PTPRK: variants seen among roughly 807,000 people sequenced by gnomAD.
PTPRK encodes the protein protein tyrosine phosphatase receptor type K, also known as receptor-type tyrosine-protein phosphatase kappa.
PTPRK carries 75 observed loss-of-function variants against 178.0 expected under a neutral mutation model. The observed-to-expected ratio is 0.42, with a 90% confidence interval of 0.35 to 0.51. The LOEUF (loss-of-function observed/expected upper bound fraction) is 0.51, where lower values mean the gene tolerates loss of function less well. Among genes scored for constraint, PTPRK ranks in the 20% least tolerant of loss-of-function variants. The pLI is 0.02. For missense variants in PTPRK, 1,441 were observed against 1,797.8 expected (o/e 0.80, Z 3.59); for synonymous variants, 637 against 620.6 (o/e 1.03, Z -0.39).
rs75731012 is a variant in PTPRK, at chr6:128,487,494, C to T, written c.100+32765G>A. 4.4e-3 allele frequency among the ~76,000 whole-genome samples: 666 copies of T among 151,982 alleles called. 6 individuals carry two copies. The highest frequency in any genetic ancestry group is 0.015 in the African/African-American group (632 of 41,464). ...TTTTCCCCAAGGCAACTCCTCTCCT[C>T]CAAAACAGGCCATAAAACCCAGAAA... On this transcript the variant is annotated intron_variant, in intron 1 of 29. Transcript: ENST00000368226.
In PTPRK at chr6:128,519,721, G is replaced by T. The variant is rs1858714329; in HGVS notation, c.100+538C>A. ...CAAGCCCGGGAGCAACCCAGAGCTGGGGGAGGAGAAAAGGGGACTCCGGGA... is the reference window on the plus strand; with the variant it reads ...CAAGCCCGGGAGCAACCCAGAGCTGTGGGAGGAGAAAAGGGGACTCCGGGA... On this transcript the variant is annotated intron_variant, in intron 1 of 29. Transcript: ENST00000368226. The surrounding 1 kb of genome is among the most constrained non-coding windows in gnomAD (Gnocchi z 4.3). Among the ~76,000 whole-genome samples the T allele has an allele frequency of 6.6e-6, 1 of 152,212 alleles. No homozygotes were observed. The highest frequency in any genetic ancestry group is 1.5e-5 in the Non-Finnish European group (1 of 68,036).
chr6:128,168,300 C>T (rs539536718), intron 7 of PTPRK, among the ~76,000 whole-genome samples: 6 of 151,992 alleles, frequency 3.9e-5, no homozygotes, highest in African/African-American at 7.2e-5. Context: ...AGAAAAGGAA[C>T]CCTTGTTCTC....
chr6:128,219,114 TCTTTAAAAA>T lies in PTPRK; in HGVS notation c.694-27_694-19del, dbSNP rs1809905353. 1 of 1,592,438 alleles carries T rather than the reference TCTTTAAAAA, an allele frequency of 6.3e-7. No homozygotes were observed. The highest frequency in any genetic ancestry group is 8.6e-7 in the Non-Finnish European group (1 of 1,164,540). On this transcript the variant is annotated intron_variant, in intron 5 of 29. Coordinates refer to ENST00000368226, the MANE Select transcript of PTPRK (RefSeq NM_002844.4). ...TTTCGTCTCTGCAAACAGAAACCAA[TCTTTAAAAA>T]CAGGTTCTTACTATTTTCATAAATC...
At chr6:128,006,362 T>G (rs1364960674) in intron 14 of PTPRK, among the ~76,000 whole-genome samples, 1 of 151,024 alleles carries the variant, frequency 6.6e-6, no homozygotes, top group African/African-American at 2.4e-5. Context: ...ATTTTCAACA[T>G]GCAGTTAAGC....
intron 14 of PTPRK, chr6:128,006,007 T>C: frequency 6.5e-7 from 1 of 1,533,062 alleles, no homozygotes; most frequent in Non-Finnish European, 8.9e-7. Context: ...AAGTTGTACA[T>C]CACCCATTTT....
In PTPRK at chr6:128,089,738, C is replaced by G; in HGVS notation, c.1417G>C (p.Glu473Gln). ...GTCTCTTCACTCTCCTTCCTTCCCT[C>G]TGGATTGGTTAGGATCATCTTGAGG... Reference protein sequence around the residue: ...VSLKMILTNPEGRKESEETII... With the variant: ...VSLKMILTNPQGRKESEETII... Residue 473 changes from glutamate (E) to glutamine (Q), a missense_variant, in exon 8 of 30, where the codon GAG becomes CAG. Transcript: ENST00000368226. The G allele has an allele frequency of 5.6e-6, 9 of 1,613,278 alleles. No individual in the cohort carries two copies. The highest frequency in any genetic ancestry group is 2.2e-5 in the South Asian group (2 of 91,058).
intron 3 of PTPRK, among the ~76,000 whole-genome samples, chr6:128,291,855 G>A (rs1234321694): frequency 6.6e-6 from 1 of 152,072 alleles, no homozygotes; most frequent in Non-Finnish European, 1.5e-5. Context: ...ATGCTACAGT[G>A]TGGCCCTGGT....
intron 7 of PTPRK, among the ~76,000 whole-genome samples, chr6:128,123,482 T>G (rs1418833889): frequency 1.3e-5 from 2 of 152,206 alleles, no homozygotes; most frequent in African/African-American, 4.8e-5. Flanking sequence ...AGAATAGTTA[T>G]GCATTTACAG....
At chr6:127,972,726 G>A (rs770224061) in intron 29 of PTPRK, among the ~76,000 whole-genome samples, 1 of 151,906 alleles carries the variant, frequency 6.6e-6, no homozygotes, top group Non-Finnish European at 1.5e-5. Context: ...CTTCTTATAG[G>A]ACCATTTACC....
chr6:128,306,689 C>T (rs985875122), intron 3 of PTPRK, among the ~76,000 whole-genome samples: 8 of 151,906 alleles, frequency 5.3e-5, no homozygotes, highest in African/African-American at 1.4e-4. Context: ...CCCAGCCACT[C>T]GGGAGGCTGA....
intron 1 of PTPRK, among the ~76,000 whole-genome samples, chr6:128,412,154 G>A (rs1010101455): frequency 6.6e-6 from 1 of 152,154 alleles, no homozygotes; most frequent in Admixed American, 6.5e-5. Context: ...GTGTTAATTT[G>A]CTGGTAAATT....
At chr6:128,478,750 T>C (rs1021914099) in intron 1 of PTPRK, among the ~76,000 whole-genome samples, 5 of 152,102 alleles carry the variant, frequency 3.3e-5, no homozygotes, top group Non-Finnish European at 7.4e-5. Context: ...GATACAAAAA[T>C]AAAATTGGTA....
chr6:128,177,021 G>A (rs1358360723), intron 7 of PTPRK, among the ~76,000 whole-genome samples: 2 of 151,472 alleles, frequency 1.3e-5, no homozygotes, highest in Admixed American at 6.6e-5. Context: ...ATATGAATAG[G>A]GTGTGAGAAT....
chr6:128,407,499 A>T (rs1841800156), intron 1 of PTPRK, among the ~76,000 whole-genome samples: 1 of 151,770 alleles, frequency 6.6e-6, no homozygotes, highest in African/African-American at 2.4e-5. Flanking sequence ...ATTAGCCAGG[A>T]GGAGTGGCAT....
intron 7 of PTPRK, among the ~76,000 whole-genome samples, chr6:128,148,097 G>T (rs1043082230): frequency 6.6e-6 from 1 of 152,080 alleles, no homozygotes; most frequent in Non-Finnish European, 1.5e-5. Flanking sequence ...AACAATCACA[G>T]CCCATATTTG....
At chr6:128,170,834 T>C (rs934605472) in intron 7 of PTPRK, among the ~76,000 whole-genome samples, 1 of 151,864 alleles carries the variant, frequency 6.6e-6, no homozygotes, top group Non-Finnish European at 1.5e-5. Flanking sequence ...AGATTATGAA[T>C]GACTTTAAAA....
At chr6:128,502,150 T>A (rs1855651753) in intron 1 of PTPRK, among the ~76,000 whole-genome samples, 2 of 152,210 alleles carry the variant, frequency 1.3e-5, no homozygotes, top group Non-Finnish European at 2.9e-5. Flanking sequence ...GTGTTTAGCA[T>A]GAAAAATGTC....
chr6:128,139,899 T>A (rs1009582306), intron 7 of PTPRK, among the ~76,000 whole-genome samples: 4 of 150,004 alleles, frequency 2.7e-5, no homozygotes, highest in Non-Finnish European at 5.9e-5. Context: ...TTTTTTTTAA[T>A]CCAAATCACT....
chr6:128,276,073 A>C (rs1370671659), intron 3 of PTPRK, among the ~76,000 whole-genome samples: 2 of 152,076 alleles, frequency 1.3e-5, no homozygotes, highest in Non-Finnish European at 2.9e-5. Context: ...CTATTTAATT[A>C]AATATTAAGT....
Sources: allele counts gnomAD v4.1 joint callset (sites outside exome capture counted in the v4.1 genomes callset), GRCh38; gene constraint gnomAD v4.1.1; non-coding constraint Gnocchi (gnomAD v3.1); transcripts MANE v1.5; gene names NCBI Gene and HGNC (gene_info 2026-07-23, HGNC 2026-07-21).